Variants in GABRA3 observed in about 807,000 individuals in gnomAD.
The protein encoded by GABRA3 is gamma-aminobutyric acid type A receptor subunit alpha3, also known as gamma-aminobutyric acid receptor subunit alpha-3.
A neutral mutation model predicts 30.1 loss-of-function variants in GABRA3; 10 were observed. The ratio of observed to expected loss-of-function variants is 0.33; its 90% CI spans 0.20 to 0.56. The LOEUF is 0.56. GABRA3 is among the 20% of genes least tolerant of loss of function. The pLI is 0.89. For missense variants in GABRA3, 233 were observed against 392.0 expected (o/e 0.59, Z 3.42); for synonymous variants, 151 against 146.8 (o/e 1.03, Z -0.21).
chrX:152,272,419 C>T (rs1938960843), intron 4 of GABRA3, among the ~76,000 whole-genome samples: 1 of 112,420 alleles, frequency 8.9e-6, no homozygotes, highest in African/African-American at 3.2e-5. Flanking sequence ...CAATTTCTCC[C>T]CTTTGGAATG....
chrX:152,444,352 G>C (rs778075152), intron 1 of GABRA3, among the ~76,000 whole-genome samples: 2 of 111,301 alleles, frequency 1.8e-5, no homozygotes, highest in African/African-American at 3.3e-5. Context: ...AAGATGAGAA[G>C]AACAACCATG....
intron 5 of GABRA3, among the ~76,000 whole-genome samples, chrX:152,226,032 C>A (rs1244311524): frequency 9.0e-6 from 1 of 111,083 alleles, no homozygotes; most frequent in South Asian, 3.8e-4. Context: ...AAAAAACATG[C>A]CTCACTTCTA....
At chrX:152,182,165 T>C in intron 9 of GABRA3, among the ~76,000 whole-genome samples, 1 of 109,827 alleles carries the variant, frequency 9.1e-6, no homozygotes, top group Non-Finnish European at 1.9e-5. Flanking sequence ...CTTCATTCTG[T>C]TAATGTGGTG....
intron 1 of GABRA3, among the ~76,000 whole-genome samples, chrX:152,441,729 C>A (rs372967519): frequency 9.0e-6 from 1 of 111,216 alleles, no homozygotes; most frequent in Non-Finnish European, 1.9e-5. Flanking sequence ...GTGGAGTTTG[C>A]GGTCTAAACT....
intron 3 of GABRA3, among the ~76,000 whole-genome samples, chrX:152,329,502 T>C (rs1284301959): frequency 1.8e-5 from 2 of 111,657 alleles, no homozygotes; most frequent in Non-Finnish European, 3.8e-5. Context: ...AACAGAGATA[T>C]AGACCAACGG....
intron 1 of GABRA3, among the ~76,000 whole-genome samples, chrX:152,435,649 A>T (rs1311996122): frequency 9.0e-6 from 1 of 110,895 alleles, no homozygotes; most frequent in East Asian, 2.8e-4. Context: ...AATGCAGATG[A>T]CAGGTTGATG....
intron 6 of GABRA3, among the ~76,000 whole-genome samples, chrX:152,223,142 G>A (rs1009504749): frequency 1.8e-5 from 2 of 111,526 alleles, no homozygotes; most frequent in Non-Finnish European, 3.8e-5. Flanking sequence ...TGCCCCCAGA[G>A]TTGAAAAAGC....
chrX:152,247,689 T>C (rs761999280), intron 5 of GABRA3, among the ~76,000 whole-genome samples: 72 of 112,146 alleles, frequency 6.4e-4, no homozygotes, highest in African/African-American at 2.1e-3. Flanking sequence ...GGCATTGTTA[T>C]GATTTGCCTT....
At chrX:152,419,653 T>G (rs1278347212) in intron 1 of GABRA3, among the ~76,000 whole-genome samples, 1 of 111,723 alleles carries the variant, frequency 9.0e-6, no homozygotes, top group Non-Finnish European at 1.9e-5. Flanking sequence ...GAGTCCCAGA[T>G]GGCATTACCA....
At chrX:152,229,927 A>T (rs1938035311) in intron 5 of GABRA3, among the ~76,000 whole-genome samples, 1 of 107,623 alleles carries the variant, frequency 9.3e-6, no homozygotes, top group East Asian at 3.0e-4. Context: ...ATCTAGGAAT[A>T]GAAGGCAACT....
chrX:152,356,908 G>A (rs1288109258), intron 2 of GABRA3, among the ~76,000 whole-genome samples: 2 of 111,764 alleles, frequency 1.8e-5, no homozygotes, highest in African/African-American at 6.5e-5. Flanking sequence ...CCATGTTGCT[G>A]CAAATGACAT....
At chrX:152,298,626 G>A (rs771686913) in intron 3 of GABRA3, among the ~76,000 whole-genome samples, 2 of 110,589 alleles carry the variant, frequency 1.8e-5, no homozygotes, top group Non-Finnish European at 3.8e-5. Flanking sequence ...GTCTATCATT[G>A]TTGGACATTT....
intron 9 of GABRA3, among the ~76,000 whole-genome samples, chrX:152,184,670 T>A (rs768802397): frequency 9.0e-6 from 1 of 111,669 alleles, no homozygotes; most frequent in East Asian, 2.8e-4. Flanking sequence ...TGCAGTTCGA[T>A]AAATCAGTTA....
chrX:152,212,105 G>A (rs55710384), intron 6 of GABRA3, among the ~76,000 whole-genome samples: 2,612 of 103,170 alleles, frequency 0.025, 44 homozygotes, highest in Middle Eastern at 0.067. Context: ...CAACATAGAA[G>A]GAAACCGTCT....
chrX:152,297,362 C>T (rs1244188195), intron 3 of GABRA3, among the ~76,000 whole-genome samples: 3 of 112,146 alleles, frequency 2.7e-5, no homozygotes, highest in Non-Finnish European at 5.6e-5. Context: ...TCTCAGCATT[C>T]CACTTTCTTC....
chrX:152,321,888 C>T (rs12687406), intron 3 of GABRA3, among the ~76,000 whole-genome samples: 4 of 110,354 alleles, frequency 3.6e-5, no homozygotes, highest in South Asian at 3.9e-4. Context: ...CTCTTCTCCC[C>T]GCCACTCCTC....
chrX:152,374,295 T>C (rs1928929271), intron 1 of GABRA3, among the ~76,000 whole-genome samples: 1 of 109,400 alleles, frequency 9.1e-6, no homozygotes, highest in East Asian at 2.8e-4. Flanking sequence ...AGGAGCTCTT[T>C]AGTTTAATTA....
At chrX:152,353,272 A>C (rs1940504489) in intron 2 of GABRA3, among the ~76,000 whole-genome samples, 1 of 111,908 alleles carries the variant, frequency 8.9e-6, no homozygotes, top group Non-Finnish European at 1.9e-5. Flanking sequence ...CTGCTTCACA[A>C]AAAAGAGAAA....
intron 1 of GABRA3, among the ~76,000 whole-genome samples, chrX:152,421,544 TAAATTAAAATTAAGAATATCTGTTCATC>T (rs1183257462): frequency 9.0e-6 from 1 of 111,370 alleles, no homozygotes; most frequent in Non-Finnish European, 1.9e-5. Context: ...TCAACTAGAC[TAAATTAAAATTAAGAATATCTGTTCATC>T]AAAAGACAAT....
Sources: gnomAD v4.1 joint callset for allele counts (sites outside exome capture counted in the v4.1 genomes callset) on GRCh38, gnomAD v4.1.1 for gene constraint, MANE v1.5 for transcripts, NCBI Gene and HGNC (gene_info 2026-07-23, HGNC 2026-07-21) for gene names.